The following UBE2E1 variants were observed in gnomAD, a reference collection of about 807,000 sequenced individuals.
UBE2E1 encodes the protein ubiquitin conjugating enzyme E2 E1.
A neutral mutation model predicts 21.4 loss-of-function variants in UBE2E1; 6 were observed. The ratio of observed to expected loss-of-function variants is 0.28; its 90% CI spans 0.15 to 0.55. The LOEUF (loss-of-function observed/expected upper bound fraction) is 0.55. UBE2E1 is among the 20% of genes least tolerant of loss of function. The probability of loss-of-function intolerance (pLI) is 0.93; values close to 1 mark genes in which losing one functional copy is unlikely to be tolerated. For missense variants in UBE2E1, 142 were observed against 236.5 expected, an observed-to-expected ratio of 0.60 and a Z score of 2.62; for synonymous variants, 87 against 82.7, an observed-to-expected ratio of 1.05 and a Z score of -0.28.
Position 23,810,566 on chromosome 3 carries a change from G to T in UBE2E1, c.153-894G>T. On this transcript the variant is annotated intron_variant, in intron 2 of 5. Transcript: ENST00000306627. The surrounding 1 kb of genome is among the most constrained non-coding windows in gnomAD (Gnocchi z 5.8). ...GGGCCGAGAGTCCCGGCCAGCGTGCGGGGCGGAGGCAGGGTCCGGTGCACC... is the reference window on the plus strand; with the variant it reads ...GGGCCGAGAGTCCCGGCCAGCGTGCTGGGCGGAGGCAGGGTCCGGTGCACC... 2 of 1,519,922 alleles carry T rather than the reference G, an allele frequency of 1.3e-6. No homozygotes were observed. Among genetic ancestry groups the T allele is most frequent in the Non-Finnish European group, 1.8e-6 (2 of 1,136,138 alleles). The allele number at this position is 1,519,922 out of a possible 1,614,324, so 94.2% of individuals were successfully genotyped here.
chr3:23,846,041 A>G (rs1010628257), intron 3 of UBE2E1, among the ~76,000 whole-genome samples: 2 of 152,182 alleles, frequency 1.3e-5, no homozygotes, highest in African/African-American at 4.8e-5. Flanking sequence ...TTAGGCAACT[A>G]AGGTTTTCAA....
Position 23,887,891 on chromosome 3 carries a change from T to A in UBE2E1, c.336+192T>A. 2 of 699,930 alleles carry A rather than the reference T, an allele frequency of 2.9e-6. No individual in the cohort carries two copies. Among genetic ancestry groups the A allele is most frequent in the Admixed American group, 3.3e-5 (1 of 30,046 alleles). The allele number at this position is 699,930 out of a possible 1,614,324, so 43.4% of individuals were successfully genotyped here. On this transcript the variant is annotated intron_variant, in intron 4 of 5. Transcript: ENST00000306627. This position sits in a 1 kb window ranked among gnomAD's most constrained non-coding sequence, Gnocchi z 4.4. The stretch of plus-strand genomic sequence containing the variant: ...TATCTGGCAGAGACCATTCTAGGAT[T>A]AAGTGCTTTGTTTTGATGGTGCTTA...
rs935513535 is a variant in UBE2E1 at position 23,842,552 on chromosome 3, A to G, written c.203+31042A>G. Among the ~76,000 whole-genome samples, 1 of 152,188 alleles carries G rather than the reference A, an allele frequency of 6.6e-6. No homozygotes were observed. Among genetic ancestry groups the G allele is most frequent in the East Asian group, 1.9e-4 (1 of 5,200 alleles). On this transcript the variant is annotated intron_variant, in intron 3 of 5. Transcript: ENST00000306627. This position sits in a 1 kb window ranked among gnomAD's most constrained non-coding sequence, Gnocchi z 4.6. ...ACTTTGTCATCCTAAGTGAGATAAT[A>G]AGGCAAGATATTTCAAGGCCTCCTT...
intron 3 of UBE2E1, among the ~76,000 whole-genome samples, chr3:23,845,914 T>G (rs7615238): frequency 0.2 from 29,952 of 152,156 alleles, 3,175 homozygotes; most frequent in Non-Finnish European, 0.24. Context: ...CTAGTTTTCT[T>G]TAGATTTTTT....
At chr3:23,855,217 A>G (rs1700408647) in intron 3 of UBE2E1, among the ~76,000 whole-genome samples, 1 of 152,238 alleles carries the variant, frequency 6.6e-6, no homozygotes, top group South Asian at 2.1e-4. Flanking sequence ...ACTAAGGGAC[A>G]CAAATACACA....
At position 23,887,423 on chromosome 3, in the gene UBE2E1, C is replaced by T. The variant is rs551927321; in HGVS notation, c.204-144C>T. The T allele has an allele frequency of 1.8e-6, 2 of 1,141,456 alleles. No individual in the cohort carries two copies. The highest frequency in any genetic ancestry group is 1.5e-5 in the African/African-American group (1 of 64,524). 70.7% of individuals were successfully genotyped at this position (1,141,456 alleles called of 1,614,324 possible). A position where few individuals can be genotyped will look rare whatever the true frequency, so the allele number is the denominator to read the frequency against. ...TGGCTATGGGTTTGTTGCAGTTCTG[C>T]ATCCGTTTCTGTACTTGTTTTGTAA... On this transcript the variant is annotated intron_variant, in intron 3 of 5. Coordinates refer to ENST00000306627, the MANE Select transcript of UBE2E1 (RefSeq NM_003341.5). This position sits in a 1 kb window ranked among gnomAD's most constrained non-coding sequence, Gnocchi z 4.4.
intron 3 of UBE2E1, among the ~76,000 whole-genome samples, chr3:23,843,473 C>T (rs1393231400): frequency 6.6e-6 from 1 of 152,190 alleles, no homozygotes; most frequent in Non-Finnish European, 1.5e-5. Context: ...TTGGCACCTA[C>T]TGCTGTTAGA....
intron 3 of UBE2E1, among the ~76,000 whole-genome samples, chr3:23,852,327 T>C (rs763838580): frequency 1.2e-4 from 19 of 152,352 alleles, no homozygotes; most frequent in Admixed American, 3.3e-4. Context: ...AGTGTACATA[T>C]TTTATGCTTA....
At position 23,841,122 on chromosome 3, in the gene UBE2E1, C is replaced by T. The variant is rs139841299; in HGVS notation, c.203+29612C>T. ...TATACATCTATAATGATATTATTTACTTTTAGAGATGCGGGTGAACTGTTT... is the reference window on the plus strand; with the variant it reads ...TATACATCTATAATGATATTATTTATTTTTAGAGATGCGGGTGAACTGTTT... On this transcript the variant is annotated intron_variant, in intron 3 of 5. Coordinates refer to ENST00000306627, the MANE Select transcript of UBE2E1 (RefSeq NM_003341.5). Among the ~76,000 whole-genome samples the T allele has an allele frequency of 3.7e-4, 56 of 152,254 alleles. 1 individual carries two copies. The highest frequency in any genetic ancestry group is 2.7e-3 in the South Asian group (13 of 4,824).
At chr3:23,838,487 GATTT>G (rs1211446551) in intron 3 of UBE2E1, among the ~76,000 whole-genome samples, 1 of 151,994 alleles carries the variant, frequency 6.6e-6, no homozygotes, top group East Asian at 1.9e-4. Flanking sequence ...GACATGATTG[GATTT>G]ATTTATTTAT....
chr3:23,847,256 A>G (rs1469710184), intron 3 of UBE2E1, among the ~76,000 whole-genome samples: 3 of 152,132 alleles, frequency 2.0e-5, no homozygotes, highest in Admixed American at 6.6e-5. Context: ...TTTTAATATA[A>G]AGGGTAGATA....
At chr3:23,811,221 G>A (rs138221561) in intron 2 of UBE2E1, among the ~76,000 whole-genome samples, 5 of 152,318 alleles carry the variant, frequency 3.3e-5, no homozygotes, top group Non-Finnish European at 7.3e-5. Flanking sequence ...TGGTGTGCGA[G>A]GCAAGGTTGG....
At chr3:23,837,031 C>G (rs1699988100) in intron 3 of UBE2E1, among the ~76,000 whole-genome samples, 1 of 152,138 alleles carries the variant, frequency 6.6e-6, no homozygotes, top group African/African-American at 2.4e-5. Context: ...AATCCTAGCT[C>G]TCACATAATA....
intron 3 of UBE2E1, among the ~76,000 whole-genome samples, chr3:23,872,712 CTG>C (rs1213826479): frequency 1.3e-5 from 2 of 152,250 alleles, no homozygotes; most frequent in East Asian, 3.9e-4. Flanking sequence ...TAAATGAAAA[CTG>C]TTTTTCAAAA....
intron 3 of UBE2E1, among the ~76,000 whole-genome samples, chr3:23,875,086 G>A (rs546448285): frequency 1.3e-5 from 2 of 152,168 alleles, no homozygotes; most frequent in African/African-American, 4.8e-5. Context: ...AAGTTACTTG[G>A]AAGTAGTTTT....
chr3:23,833,568 T>G (rs1320407438), intron 3 of UBE2E1, among the ~76,000 whole-genome samples: 1 of 152,196 alleles, frequency 6.6e-6, no homozygotes, highest in African/African-American at 2.4e-5. Context: ...TAAATGCAGA[T>G]GAACAAGATG....
chr3:23,819,695 T>C (rs1699605616), intron 3 of UBE2E1, among the ~76,000 whole-genome samples: 1 of 152,140 alleles, frequency 6.6e-6, no homozygotes, highest in Non-Finnish European at 1.5e-5. Context: ...CTTCAGAAAA[T>C]AGTGGAAATT....
intron 3 of UBE2E1, among the ~76,000 whole-genome samples, chr3:23,886,215 A>C (rs1467666864): frequency 2.6e-5 from 4 of 152,216 alleles, no homozygotes; most frequent in African/African-American, 9.7e-5. Flanking sequence ...AAAATAAAAA[A>C]TAAAACAAGT....
chr3:23,811,345 C>T, intron 2 of UBE2E1, 115 bp from the exon 3 acceptor site: 1 of 959,756 alleles, frequency 1.0e-6, no homozygotes, highest in Non-Finnish European at 1.7e-6. Flanking sequence ...TCCTCTTTGC[C>T]CAGTAGAATC....
Sources: gnomAD v4.1 joint callset for allele counts (sites outside exome capture counted in the v4.1 genomes callset) on GRCh38, gnomAD v4.1.1 for gene constraint, Gnocchi (gnomAD v3.1) non-coding constraint, MANE v1.5 for transcripts, NCBI Gene and HGNC (gene_info 2026-07-23, HGNC 2026-07-21) for gene names.